The following HES2 variants were observed in gnomAD, a reference collection of about 807,000 sequenced individuals.
The protein encoded by HES2 is hes family bHLH transcription factor 2.
A neutral mutation model predicts 11.9 loss-of-function variants in HES2; 11 were observed. That is an observed-to-expected ratio of 0.92 (90% CI 0.58 to 1.53). The LOEUF is 1.53. Among genes scored for constraint, HES2 ranks in the 40% most tolerant of loss-of-function variants. The pLI, the probability that HES2 is intolerant of heterozygous loss-of-function variation, is 0.00. For missense variants in HES2, 260 were observed against 253.8 expected (o/e 1.02, Z -0.16); for synonymous variants, 125 against 122.8 (o/e 1.02, Z -0.12).
rs887482618 is a variant in HES2, at chr1:6,416,545, AC to A, written c.*2327del. The A allele has an allele frequency of 6.6e-6, 1 of 151,880 alleles. No individual in the cohort carries two copies. The highest frequency in any genetic ancestry group is 1.5e-5 in the Non-Finnish European group (1 of 68,002). The allele number at this position is 151,880 out of a possible 1,614,324, so 9.4% of individuals were successfully genotyped here. On this transcript the variant is annotated 3_prime_UTR_variant, in exon 4 of 4. Coordinates refer to ENST00000377834, the MANE Select transcript of HES2 (RefSeq NM_019089.5). Reference sequence around the variant, plus strand: ...TGACTCAGGCTCCCCCGAGTGCCTGACCCTGTGAGTCACTGGCCCATCTACA... The same window carrying A: ...TGACTCAGGCTCCCCCGAGTGCCTGACCTGTGAGTCACTGGCCCATCTACA...
At position 6,416,573 on chromosome 1, in the gene HES2, T is replaced by G. The variant is rs1451678431; in HGVS notation, c.*2300A>C. The stretch of plus-strand genomic sequence containing the variant: ...CTGTGAGTCACTGGCCCATCTACAA[T>G]CCTTCTCCCCGTGACTGCTTGAGTT... On this transcript the variant is annotated 3_prime_UTR_variant, in exon 4 of 4. Coordinates refer to ENST00000377834, the MANE Select transcript of HES2 (RefSeq NM_019089.5). 2.0e-5 allele frequency: 3 copies of G among 152,032 alleles called. No homozygotes were observed. The highest frequency in any genetic ancestry group is 7.2e-5 in the African/African-American group (3 of 41,382). The allele number at this position is 152,032 out of a possible 1,614,324, so 9.4% of individuals were successfully genotyped here.
Position 6,417,169 on chromosome 1 carries a change from G to A in HES2, c.*1704C>T, listed in dbSNP as rs1642861231. ...TCTGGGCACAGGGAGGTGGGAAGAT[G>A]GCACGGCCTTGCTGGGAGCCTCACC... On this transcript the variant is annotated 3_prime_UTR_variant, in exon 4 of 4. Coordinates refer to ENST00000377834, the MANE Select transcript of HES2 (RefSeq NM_019089.5). The A allele has an allele frequency of 6.6e-6, 1 of 152,384 alleles. No homozygotes were observed. The highest frequency in any genetic ancestry group is 1.9e-4 in the East Asian group (1 of 5,186). 9.4% of individuals were successfully genotyped at this position (152,384 alleles called of 1,614,324 possible). A position where few individuals can be genotyped will look rare whatever the true frequency, so the allele number is the denominator to read the frequency against.
At position 6,419,115 on chromosome 1, in the gene HES2, C is replaced by A. The variant is rs1450634725; in HGVS notation, c.280G>T (p.Val94Leu). ...DSYREGYSACVARLARVLPAC... is the reference protein window; with the variant it reads ...DSYREGYSACLARLARVLPAC... ...GGCAGCACGCGGGCCAGGCGCGCCA[C>A]ACAGGCGCTGTAGCCCTCGCGGTAG... The change falls in exon 4 of 4, where the codon GTG becomes TTG. Residue 94 changes from valine to leucine, a missense_variant. Val to Leu is a conservative substitution (Grantham distance 32). Transcript: ENST00000377834. The surrounding 1 kb of genome is among the most constrained non-coding windows in gnomAD (Gnocchi z 8.1). 2.0e-6 allele frequency: 3 copies of A among 1,513,100 alleles called. No individual in the cohort carries two copies. Among genetic ancestry groups the A allele is most frequent in the Non-Finnish European group, 2.6e-6 (3 of 1,138,456 alleles). The allele number at this position is 1,513,100 out of a possible 1,614,324, so 93.7% of individuals were successfully genotyped here.
In HES2 at chr1:6,419,706, C is replaced by T. The variant is rs182995155; in HGVS notation, c.46-4G>A. The T allele has an allele frequency of 1.3e-3, 1,963 of 1,552,730 alleles. 25 individuals are homozygous for T. The African/African-American group carries it at 0.023, about 18-fold the overall frequency. ...TCTCCAGCAGCGGCTTCAGGCTCTG[C>T]GGACGGGCGGCGCGGTGGTTAGACG... On this transcript the variant is annotated splice_polypyrimidine_tract_variant and splice_region_variant and intron_variant, in intron 1 of 3. Coordinates refer to ENST00000377834, the MANE Select transcript of HES2 (RefSeq NM_019089.5). The surrounding 1 kb of genome is among the most constrained non-coding windows in gnomAD (Gnocchi z 8.1).
rs1642848816 is a variant in HES2 at position 6,416,262 on chromosome 1, A to T, written c.*2611T>A. The T allele has an allele frequency of 6.6e-6, 1 of 152,290 alleles. No individual in the cohort carries two copies. Among genetic ancestry groups the T allele is most frequent in the Admixed American group, 6.5e-5 (1 of 15,288 alleles). 9.4% of individuals were successfully genotyped at this position (152,290 alleles called of 1,614,324 possible). On this transcript the variant is annotated 3_prime_UTR_variant, in exon 4 of 4. Coordinates refer to ENST00000377834, the MANE Select transcript of HES2 (RefSeq NM_019089.5). Reference sequence around the variant, plus strand: ...TTGAATCAGTCTCCCTCTGCACAGGAAAAGCCCACCGCCCTGCGTTCACCT... The same window carrying T: ...TTGAATCAGTCTCCCTCTGCACAGGTAAAGCCCACCGCCCTGCGTTCACCT...
rs1192418323 is a variant in HES2 at position 6,416,269 on chromosome 1, C to T, written c.*2604G>A. ...AGTCTCCCTCTGCACAGGAAAAGCC[C>T]ACCGCCCTGCGTTCACCTTTGCCCA... On this transcript the variant is annotated 3_prime_UTR_variant, in exon 4 of 4. Coordinates refer to ENST00000377834, the MANE Select transcript of HES2 (RefSeq NM_019089.5). 6.6e-6 allele frequency: 1 copy of T among 152,280 alleles called. No individual in the cohort carries two copies. Among genetic ancestry groups the T allele is most frequent in the African/African-American group, 2.4e-5 (1 of 41,458 alleles). 9.4% of individuals were successfully genotyped at this position (152,280 alleles called of 1,614,324 possible). A position where few individuals can be genotyped will look rare whatever the true frequency, so the allele number is the denominator to read the frequency against.
chr1:6,417,382 G>C lies in HES2; in HGVS notation c.*1491C>G, dbSNP rs914221279. The C allele has an allele frequency of 2.6e-5, 4 of 152,190 alleles. No individual in the cohort carries two copies. Among genetic ancestry groups the C allele is most frequent in the Non-Finnish European group, 5.9e-5 (4 of 68,052 alleles). 9.4% of individuals were successfully genotyped at this position (152,190 alleles called of 1,614,324 possible). On this transcript the variant is annotated 3_prime_UTR_variant, in exon 4 of 4. Transcript: ENST00000377834. Reference sequence around the variant, plus strand: ...TCCCTAGCACAGGCTGCTGATTTGGGGACTCGGGGGAGAATCCTCCACCTT... The same window carrying C: ...TCCCTAGCACAGGCTGCTGATTTGGCGACTCGGGGGAGAATCCTCCACCTT...
Position 6,419,591 on chromosome 1 carries a change from G to A in HES2, c.141+16C>T. 6.6e-7 allele frequency: 1 copy of A among 1,521,348 alleles called. No individual in the cohort carries two copies. The highest frequency in any genetic ancestry group is 8.8e-7 in the Non-Finnish European group (1 of 1,137,102). 94.2% of individuals were successfully genotyped at this position (1,521,348 alleles called of 1,614,324 possible). A position where few individuals can be genotyped will look rare whatever the true frequency, so the allele number is the denominator to read the frequency against. On this transcript the variant is annotated intron_variant, in intron 2 of 3. Coordinates refer to ENST00000377834, the MANE Select transcript of HES2 (RefSeq NM_019089.5). This position sits in a 1 kb window ranked among gnomAD's most constrained non-coding sequence, Gnocchi z 8.1. ...CGCGCCCCAGGACCCTCTGCCCTCC[G>A]CCCGGGCGCGCTCACCTCCCGGCCC... is the stretch of plus-strand genomic sequence containing the variant.
Position 6,418,749 on chromosome 1 carries a change from G to A in HES2, c.*124C>T, listed in dbSNP as rs1642876787. On this transcript the variant is annotated 3_prime_UTR_variant, in exon 4 of 4. Transcript: ENST00000377834. ...CGCCAGTCACAAACAGCCGGCTTCC[G>A]GCCTGGGTGTGGGTACTGGGCTGGC... 6.9e-6 allele frequency: 7 copies of A among 1,010,804 alleles called. No individual in the cohort carries two copies. Among genetic ancestry groups the A allele is most frequent in the African/African-American group, 1.7e-5 (1 of 59,978 alleles). 62.6% of individuals were successfully genotyped at this position (1,010,804 alleles called of 1,614,324 possible).
Position 6,418,836 on chromosome 1 carries a change from C to A in HES2, c.*37G>T. On this transcript the variant is annotated 3_prime_UTR_variant, in exon 4 of 4. Transcript: ENST00000377834. Reference sequence around the variant, plus strand: ...TCAACCTGTCCAGTGCCCCAAGGTCCCAAGCAGTCGGCAGGGTCTGTGGAT... The same window carrying A: ...TCAACCTGTCCAGTGCCCCAAGGTCACAAGCAGTCGGCAGGGTCTGTGGAT... 1 of 1,294,966 alleles carries A rather than the reference C, an allele frequency of 7.7e-7. No individual in the cohort carries two copies. Among genetic ancestry groups the A allele is most frequent in the East Asian group, 3.1e-5 (1 of 32,150 alleles). 80.2% of individuals were successfully genotyped at this position (1,294,966 alleles called of 1,614,324 possible).
At position 6,415,544 on chromosome 1, in the gene HES2, G is replaced by A. The variant is rs6667766; in HGVS notation, c.*3329C>T. On this transcript the variant is annotated 3_prime_UTR_variant, in exon 4 of 4. Transcript: ENST00000377834. ...GCAGGAGTCGTCTGGGATCACAGGC[G>A]GGGCAGAGCAATTTGTCAATGTTTA... is the stretch of plus-strand genomic sequence containing the variant. 0.11 allele frequency: 16,091 copies of A among 151,086 alleles called. 983 individuals carry two copies. The highest frequency in any genetic ancestry group is 0.16 in the African/African-American group (6,485 of 41,072). 9.4% of individuals were successfully genotyped at this position (151,086 alleles called of 1,614,324 possible). A position where few individuals can be genotyped will look rare whatever the true frequency, so the allele number is the denominator to read the frequency against.
rs1316844507 is a variant in HES2, at chr1:6,416,592, T to C, written c.*2281A>G. Reference sequence around the variant, plus strand: ...CTACAATCCTTCTCCCCGTGACTGCTTGAGTTGTAGCTTGATTGGAGCCAG... The same window carrying C: ...CTACAATCCTTCTCCCCGTGACTGCCTGAGTTGTAGCTTGATTGGAGCCAG... On this transcript the variant is annotated 3_prime_UTR_variant, in exon 4 of 4. Transcript: ENST00000377834. 1 of 152,154 alleles carries C rather than the reference T, an allele frequency of 6.6e-6. No individual in the cohort carries two copies. The highest frequency in any genetic ancestry group is 1.5e-5 in the Non-Finnish European group (1 of 68,044). The allele number at this position is 152,154 out of a possible 1,614,324, so 9.4% of individuals were successfully genotyped here.
chr1:6,417,450 A>G lies in HES2; in HGVS notation c.*1423T>C. On this transcript the variant is annotated 3_prime_UTR_variant, in exon 4 of 4. Coordinates refer to ENST00000377834, the MANE Select transcript of HES2 (RefSeq NM_019089.5). ...TGAAATGACGGGTGTTTGCCTGACT[A>G]TGATTTCATGAATCCCCCATGAAAT... 1 of 135,640 alleles carries G rather than the reference A, an allele frequency of 7.4e-6. No homozygotes were observed. Among genetic ancestry groups the G allele is most frequent in the East Asian group, 2.5e-4 (1 of 3,930 alleles). 8.4% of individuals were successfully genotyped at this position (135,640 alleles called of 1,614,324 possible). A position where few individuals can be genotyped will look rare whatever the true frequency, so the allele number is the denominator to read the frequency against.
chr1:6,419,334 T>TGC lies in HES2; in HGVS notation c.147_148insGC (p.Asn50AlafsTer6). ...TCTGCCTTCTCTAGCTTCGAGCAGT[T>TGC]GGAGTTCTGCGCCCGGCCACGAGGA... is the stretch of plus-strand genomic sequence containing the variant. On this transcript the variant is annotated frameshift_variant, in exon 3 of 4. Coordinates refer to ENST00000377834, the MANE Select transcript of HES2 (RefSeq NM_019089.5). LOFTEE classifies it high-confidence loss of function. The surrounding 1 kb of genome is among the most constrained non-coding windows in gnomAD (Gnocchi z 8.1). The TGC allele has an allele frequency of 6.2e-7, 1 of 1,609,700 alleles. No individual in the cohort carries two copies. Among genetic ancestry groups the TGC allele is most frequent in the Non-Finnish European group, 8.5e-7 (1 of 1,178,726 alleles).
Position 6,419,864 on chromosome 1 carries a change from GA to G in HES2, c.-45del. 1 of 1,514,294 alleles carries G rather than the reference GA, an allele frequency of 6.6e-7. No homozygotes were observed. The highest frequency in any genetic ancestry group is 8.8e-7 in the Non-Finnish European group (1 of 1,134,950). The allele number at this position is 1,514,294 out of a possible 1,614,324, so 93.8% of individuals were successfully genotyped here. A position where few individuals can be genotyped will look rare whatever the true frequency, so the allele number is the denominator to read the frequency against. ...GGCAGCTGCGAGCCCCACGCAAAGG[GA>G]AACCGAGGTCCGAAATGAGGTCCCG... On this transcript the variant is annotated 5_prime_UTR_variant, in exon 1 of 4. Transcript: ENST00000377834. This position sits in a 1 kb window ranked among gnomAD's most constrained non-coding sequence, Gnocchi z 8.1.
rs1642860915 is a variant in HES2, at chr1:6,417,129, C to T, written c.*1744G>A. The T allele has an allele frequency of 6.6e-6, 1 of 152,336 alleles. No individual in the cohort carries two copies. Among genetic ancestry groups the T allele is most frequent in the Non-Finnish European group, 1.5e-5 (1 of 68,106 alleles). 9.4% of individuals were successfully genotyped at this position (152,336 alleles called of 1,614,324 possible). On this transcript the variant is annotated 3_prime_UTR_variant, in exon 4 of 4. Coordinates refer to ENST00000377834, the MANE Select transcript of HES2 (RefSeq NM_019089.5). Reference sequence around the variant, plus strand: ...CAGCCCCAGCCTCGCCCTCCGGGAGCTTACAGTCTAACCCTCTGGGCACAG... The same window carrying T: ...CAGCCCCAGCCTCGCCCTCCGGGAGTTTACAGTCTAACCCTCTGGGCACAG...
In HES2 at chr1:6,419,847, C is replaced by A; in HGVS notation, c.-27G>T. The A allele has an allele frequency of 1.3e-6, 2 of 1,530,512 alleles. No individual in the cohort carries two copies. Among genetic ancestry groups the A allele is most frequent in the Non-Finnish European group, 1.7e-6 (2 of 1,143,906 alleles). 94.8% of individuals were successfully genotyped at this position (1,530,512 alleles called of 1,614,324 possible). A position where few individuals can be genotyped will look rare whatever the true frequency, so the allele number is the denominator to read the frequency against. On this transcript the variant is annotated 5_prime_UTR_variant, in exon 1 of 4. Coordinates refer to ENST00000377834, the MANE Select transcript of HES2 (RefSeq NM_019089.5). This position sits in a 1 kb window ranked among gnomAD's most constrained non-coding sequence, Gnocchi z 8.1. ...CTCCGCGGGGAAGCGGTGGCAGCTG[C>A]GAGCCCCACGCAAAGGGAAACCGAG... is the stretch of plus-strand genomic sequence containing the variant.
chr1:6,419,441 C>A lies in HES2; in HGVS notation c.142-101G>T. On this transcript the variant is annotated intron_variant, in intron 2 of 3. Transcript: ENST00000377834. This position sits in a 1 kb window ranked among gnomAD's most constrained non-coding sequence, Gnocchi z 8.1. ...CTCTAGTCGGGAGCTGGGTGTGGGG[C>A]GCGCCGTGGCCTGCTGGGGGTCCGC... The A allele has an allele frequency of 8.2e-7, 1 of 1,217,482 alleles. No individual in the cohort carries two copies. The highest frequency in any genetic ancestry group is 1.1e-6 in the Non-Finnish European group (1 of 873,956). 75.4% of individuals were successfully genotyped at this position (1,217,482 alleles called of 1,614,324 possible).
chr1:6,419,255 G>A lies in HES2; in HGVS notation c.227C>T (p.Pro76Leu). Residue 76 changes from proline to leucine, a missense_variant, in exon 3 of 4, where the codon CCC (proline) becomes CTC (leucine). Pro to Leu is a moderately conservative substitution (Grantham distance 98). Transcript: ENST00000377834. This position sits in a 1 kb window ranked among gnomAD's most constrained non-coding sequence, Gnocchi z 8.1. ...GGCTCACTCACGGGGCGCTGCCGTGGGCCATGAGGACGCAGGCAGCTCCTG... is the reference window on the plus strand; with the variant it reads ...GGCTCACTCACGGGGCGCTGCCGTGAGCCATGAGGACGCAGGCAGCTCCTG... ...FLQELPASSW[P>L]TAAPLPCDSY... is the part of the protein sequence containing the mutation. The A allele has an allele frequency of 6.2e-7, 1 of 1,609,854 alleles. No individual in the cohort carries two copies. The highest frequency in any genetic ancestry group is 2.2e-5 in the East Asian group (1 of 44,790).
Sources: allele counts gnomAD v4.1 joint callset, GRCh38; gene constraint gnomAD v4.1.1; non-coding constraint Gnocchi (gnomAD v3.1); transcripts MANE v1.5; gene names NCBI Gene and HGNC (gene_info 2026-07-23, HGNC 2026-07-21).